Variants in CCDC30 observed in about 807,000 individuals in gnomAD.
CCDC30 encodes coiled-coil domain-containing protein 30.
In CCDC30, 70 loss-of-function variants were observed where a neutral mutation model predicts 100.2. The ratio of observed to expected loss-of-function variants is 0.70; its 90% CI spans 0.58 to 0.85. CCDC30 has a LOEUF of 0.85. Among genes scored for constraint, CCDC30 ranks in the 40% least tolerant of loss-of-function variants. The pLI, the probability that CCDC30 is intolerant of heterozygous loss-of-function variation, is 0.00. For synonymous variants in CCDC30, 233 were observed against 269.5 expected (o/e 0.86, Z 1.33); for missense variants, 652 against 771.2 (o/e 0.85, Z 1.83).
At chr1:42,578,357 G>T (rs545122501) in intron 8 of CCDC30, among the ~76,000 whole-genome samples, 1 of 152,320 alleles carries the variant, frequency 6.6e-6, no homozygotes, top group Non-Finnish European at 1.5e-5. Context: ...GGTTATTCTT[G>T]TGACAGGTAT....
In CCDC30 at chr1:42,489,257, G is replaced by A. The variant is rs112840829; in HGVS notation, c.170-901G>A. Among the ~76,000 whole-genome samples, 926 of 152,284 alleles carry A rather than the reference G, an allele frequency of 6.1e-3. 6 individuals are homozygous for A. The highest frequency in any genetic ancestry group is 0.021 in the African/African-American group (864 of 41,556). ...GTTGAGCAACTTGCTTAACTTTTCT[G>A]AGTCTTGTTTATCTCATCTATAAAA... On this transcript the variant is annotated intron_variant, in intron 3 of 16. Transcript: ENST00000668663.
Position 42,650,595 on chromosome 1 carries a change from T to C in CCDC30, c.1855-2781T>C, listed in dbSNP as rs766353734. On this transcript the variant is annotated intron_variant, in intron 15 of 16. Transcript: ENST00000668663. ...TGGGACTGGCATTAAAACAGACACATTGACAAAATGAAACAGCATAGAGAG... is the reference window on the plus strand; with the variant it reads ...TGGGACTGGCATTAAAACAGACACACTGACAAAATGAAACAGCATAGAGAG... 5.4e-5 allele frequency among the ~76,000 whole-genome samples: 8 copies of C among 148,750 alleles called. No homozygotes were observed. In the East Asian group the frequency reaches 6.0e-4, roughly 11 times the overall value.
rs1229994607 is a variant in CCDC30, at chr1:42,610,996, G to GA, written c.1185dup (p.Leu396IlefsTer7). ...TTTTCAGCATGTCAAAAGCAACCAG[G>GA]AATTGTCAGAGAAGCTATCTAAGCT... On this transcript the variant is annotated frameshift_variant, in exon 11 of 17. Coordinates refer to ENST00000668663, the Ensembl canonical transcript of CCDC30. LOFTEE classifies it high-confidence loss of function. 3.1e-6 allele frequency: 5 copies of GA among 1,607,260 alleles called. No individual in the cohort carries two copies. The highest frequency in any genetic ancestry group is 4.3e-6 in the Non-Finnish European group (5 of 1,174,474).
intron 11 of CCDC30, among the ~76,000 whole-genome samples, chr1:42,614,257 T>C (rs926390689): frequency 6.6e-6 from 1 of 151,682 alleles, no homozygotes; most frequent in Non-Finnish European, 1.5e-5. Flanking sequence ...ATTTTTTGTA[T>C]TTTTATTACA....
At chr1:42,575,044 C>A (rs570111188) in intron 7 of CCDC30, among the ~76,000 whole-genome samples, 9 of 152,232 alleles carry the variant, frequency 5.9e-5, no homozygotes, top group African/African-American at 2.2e-4. Context: ...AGTGGTTGAA[C>A]ACAATTAAAT....
chr1:42,654,656 C>T (rs1440603803), downstream of CCDC30: 1 of 151,288 alleles, frequency 6.6e-6, no homozygotes, highest in Non-Finnish European at 1.5e-5. Flanking sequence ...CAGAGTGAGA[C>T]TCCGTCTCAA....
Position 42,473,161 on chromosome 1 carries a change from A to G in CCDC30, c.-91-7300A>G. 1.1e-5 allele frequency: 14 copies of G among 1,230,688 alleles called. 1 individual carries two copies. The South Asian group carries it at 5.8e-4, about 51-fold the overall frequency. The allele number at this position is 1,230,688 out of a possible 1,614,324, so 76.2% of individuals were successfully genotyped here. On this transcript the variant is annotated intron_variant, in intron 1 of 16. Transcript: ENST00000668663. The stretch of plus-strand genomic sequence containing the variant: ...AGAAGACATACTTCACCATCTTGAA[A>G]AAGAAGAAATCAATCCCCTTGCTAC...
intron 3 of CCDC30, among the ~76,000 whole-genome samples, chr1:42,484,823 T>C (rs1322357660): frequency 1.3e-5 from 2 of 152,130 alleles, no homozygotes; most frequent in African/African-American, 4.8e-5. Flanking sequence ...TCAGTGATAA[T>C]TTTTTCAAGA....
intron 6 of CCDC30, among the ~76,000 whole-genome samples, chr1:42,508,086 T>TTTTCTTAATTGGATTACTG (rs1440259001): frequency 6.6e-6 from 1 of 152,210 alleles, no homozygotes; most frequent in Non-Finnish European, 1.5e-5. Flanking sequence ...ATTTTTCATT[T>TTTTCTTAATTGGATTACTG]GCTAGTTTCT....
At position 42,611,929 on chromosome 1, in the gene CCDC30, A is replaced by G. The variant is rs574403893; in HGVS notation, c.1277+839A>G. Among the ~76,000 whole-genome samples the G allele has an allele frequency of 3.9e-4, 60 of 152,272 alleles. 1 individual carries two copies. In the East Asian group the frequency reaches 9.3e-3, roughly 24 times the overall value. ...CTTGGCCTCCCAAAATGCTGGGATTATAGGCAGGCATAAGCCACTGTGCCC... is the reference window on the plus strand; with the variant it reads ...CTTGGCCTCCCAAAATGCTGGGATTGTAGGCAGGCATAAGCCACTGTGCCC... On this transcript the variant is annotated intron_variant, in intron 11 of 16. Transcript: ENST00000668663.
intron 10 of CCDC30, among the ~76,000 whole-genome samples, chr1:42,607,575 A>G (rs1000379693): frequency 2.0e-5 from 3 of 150,770 alleles, no homozygotes; most frequent in Non-Finnish European, 3.0e-5. Context: ...AAAAAAAAAG[A>G]AAGGAAGGAA....
Position 42,584,612 on chromosome 1 carries a change from A to AG in CCDC30, c.1001+3098_1001+3099insG, listed in dbSNP as rs1287497817. On this transcript the variant is annotated intron_variant, in intron 9 of 16. Coordinates refer to ENST00000668663, the Ensembl canonical transcript of CCDC30. ...ACAGGCGAGACTCCATCTCAAAAAAAAGAAAGTTTCGCTGTTATTATAATA... is the reference window on the plus strand; with the variant it reads ...ACAGGCGAGACTCCATCTCAAAAAAAGAGAAAGTTTCGCTGTTATTATAATA... 2.0e-5 allele frequency among the ~76,000 whole-genome samples: 3 copies of AG among 151,846 alleles called. No homozygotes were observed. The South Asian group carries it at 6.2e-4, about 32-fold the overall frequency.
At chr1:42,644,643 G>T (rs781224996) in intron 13 of CCDC30, 50 bp from the exon 18 acceptor site, 1 of 1,172,252 alleles carries the variant, frequency 8.5e-7, no homozygotes, top group Admixed American at 1.7e-5. Context: ...TGGGTTTTTA[G>T]TAATGATACA....
intron 6 of CCDC30, among the ~76,000 whole-genome samples, chr1:42,508,170 AT>A (rs979397088): frequency 2.6e-5 from 4 of 152,230 alleles, no homozygotes; most frequent in African/African-American, 9.6e-5. Context: ...TTATGGCTGA[AT>A]AAGCTGGCAC....
At chr1:42,649,737 A>C (rs12077356) in intron 15 of CCDC30, among the ~76,000 whole-genome samples, 28,348 of 152,130 alleles carry the variant, frequency 0.19, 3,115 homozygotes, top group East Asian at 0.3. Flanking sequence ...AGTAAAGTTG[A>C]AGGATACAAA....
At chr1:42,629,399 A>T (rs1234266910) in intron 11 of CCDC30, among the ~76,000 whole-genome samples, 1 of 152,178 alleles carries the variant, frequency 6.6e-6, no homozygotes, top group East Asian at 1.9e-4. Context: ...TGCCAGACAT[A>T]TTGGAGTTCT....
chr1:42,650,200 A>G (rs1438580143), intron 15 of CCDC30, among the ~76,000 whole-genome samples: 1 of 151,840 alleles, frequency 6.6e-6, no homozygotes, highest in Non-Finnish European at 1.5e-5. Flanking sequence ...ACTATATTAC[A>G]GGTTGGGCAC....
At chr1:42,540,035 T>C (rs543849572) in intron 6 of CCDC30, among the ~76,000 whole-genome samples, 4 of 152,330 alleles carry the variant, frequency 2.6e-5, no homozygotes, top group African/African-American at 9.6e-5. Context: ...AGGTTATCAC[T>C]ATCTCCTCCT....
upstream of CCDC30, chr1:42,459,945 G>A: frequency 6.4e-7 from 1 of 1,566,896 alleles, no homozygotes; most frequent in Non-Finnish European, 8.6e-7. Flanking sequence ...GCCCTTATAG[G>A]ATCAAAAATT....
Sources: allele counts gnomAD v4.1 joint callset (sites outside exome capture counted in the v4.1 genomes callset), GRCh38; gene constraint gnomAD v4.1.1; transcripts MANE v1.5; gene names NCBI Gene and HGNC (gene_info 2026-07-23, HGNC 2026-07-21).